Variants in ZNF662 observed in about 807,000 individuals in gnomAD.
ZNF662 encodes zinc finger protein 662.
Under a neutral mutation model 12.4 loss-of-function variants are expected in ZNF662, and 14 were observed. That is an observed-to-expected ratio of 1.13 (90% CI 0.75 to 1.77). The LOEUF is 1.77. Among genes scored for constraint, ZNF662 ranks in the 40% most tolerant of loss-of-function variants. ZNF662 has a pLI of 0.00. For missense variants in ZNF662, 550 were observed against 515.6 expected, an observed-to-expected ratio of 1.07 and a Z score of -0.65; for synonymous variants, 184 against 176.4, an observed-to-expected ratio of 1.04 and a Z score of -0.34.
At chr3:42,908,244 C>T (rs558154926) in intron 2 of ZNF662, 96 bp downstream of exon 2, 4 of 1,498,192 alleles carry the variant, frequency 2.7e-6, no homozygotes, top group Admixed American at 2.3e-5. Context: ...ACCCTCAGCT[C>T]AATGGCAGCT....
At position 42,908,854 on chromosome 3, in the gene ZNF662, G is replaced by A; in HGVS notation, c.96G>A (p.Trp32Ter). The A allele has an allele frequency of 6.2e-7, 1 of 1,614,090 alleles. No individual in the cohort carries two copies. The highest frequency in any genetic ancestry group is 1.1e-5 in the South Asian group (1 of 91,076). Residue 32 changes from tryptophan to a stop codon, truncating the protein, a stop_gained, in exon 3 of 5, where the codon TGG becomes TGA. Transcript: ENST00000440367. LOFTEE classifies it high-confidence loss of function. The stretch of plus-strand genomic sequence containing the variant: ...AGCTGGAGCGAGGGGAAACACCCTG[G>A]TGCTCGGTTCCTCGGGGAGCTCTGG... ...ISQLERGETP[W>*]CSVPRGALDG...
In ZNF662 at chr3:42,906,528, T is replaced by C. The variant is rs1402267712; in HGVS notation, c.-94+360T>C. Reference sequence around the variant, plus strand: ...ACGGGGTGGTGCGGCGGCTGGGAAATGGGGGTACAACCCAGAGTGAGGGGC... The same window carrying C: ...ACGGGGTGGTGCGGCGGCTGGGAAACGGGGGTACAACCCAGAGTGAGGGGC... On this transcript the variant is annotated intron_variant, in intron 1 of 4. Coordinates refer to ENST00000440367, the MANE Select transcript of ZNF662 (RefSeq NM_207404.4). This position sits in a 1 kb window ranked among gnomAD's most constrained non-coding sequence, Gnocchi z 4.4. The C allele has an allele frequency of 8.2e-7, 1 of 1,223,294 alleles. No homozygotes were observed. The highest frequency in any genetic ancestry group is 1.1e-6 in the Non-Finnish European group (1 of 926,666). 75.8% of individuals were successfully genotyped at this position (1,223,294 alleles called of 1,614,324 possible).
At position 42,915,573 on chromosome 3, in the gene ZNF662, G is replaced by A. The variant is rs1490174831; in HGVS notation, c.*219G>A. ...TAGTTGGGCAGCTACTCTGTATCAGGTGCTAACCACTTTACATACATTAAT... is the reference window on the plus strand; with the variant it reads ...TAGTTGGGCAGCTACTCTGTATCAGATGCTAACCACTTTACATACATTAAT... On this transcript the variant is annotated 3_prime_UTR_variant, in exon 5 of 5. Coordinates refer to ENST00000440367, the MANE Select transcript of ZNF662 (RefSeq NM_207404.4). 4 of 501,100 alleles carry A rather than the reference G, an allele frequency of 8.0e-6. No individual in the cohort carries two copies. The highest frequency in any genetic ancestry group is 1.4e-5 in the Non-Finnish European group (4 of 288,236). 31.0% of individuals were successfully genotyped at this position (501,100 alleles called of 1,614,324 possible).
rs1383061874 is a variant in ZNF662, at chr3:42,912,591, ATT to A, written c.152-608_152-607del. Among the ~76,000 whole-genome samples the A allele has an allele frequency of 7.9e-5, 8 of 100,644 alleles. No individual in the cohort carries two copies. The South Asian group carries it at 1.1e-3, about 13-fold the overall frequency. The allele number at this position is 100,644 out of a possible 152,430, so 66.0% of individuals were successfully genotyped here. ...AAATACATATTTTATATATAAATAT[ATT>A]TATATAAAATACAAATATTTTTCTA... is the stretch of plus-strand genomic sequence containing the variant. On this transcript the variant is annotated intron_variant, in intron 3 of 4. Transcript: ENST00000440367.
Position 42,907,604 on chromosome 3 carries a change from G to A in ZNF662, c.-93-418G>A, listed in dbSNP as rs541319109. 70 of 845,654 alleles carry A rather than the reference G, an allele frequency of 8.3e-5. No individual in the cohort carries two copies. In the African/African-American group the frequency reaches 1.1e-3, roughly 14 times the overall value. 52.4% of individuals were successfully genotyped at this position (845,654 alleles called of 1,614,324 possible). A position where few individuals can be genotyped will look rare whatever the true frequency, so the allele number is the denominator to read the frequency against. Reference sequence around the variant, plus strand: ...CTTCTAAAAAACGGATCTGATAGTAGGCTATGAGACATAACAAAGAATATA... The same window carrying A: ...CTTCTAAAAAACGGATCTGATAGTAAGCTATGAGACATAACAAAGAATATA... On this transcript the variant is annotated intron_variant, in intron 1 of 4. Transcript: ENST00000440367.
chr3:42,911,367 G>T (rs1244840940), intron 3 of ZNF662, among the ~76,000 whole-genome samples: 1 of 152,168 alleles, frequency 6.6e-6, no homozygotes, highest in Non-Finnish European at 1.5e-5. Flanking sequence ...CTACTTTACA[G>T]TGGGGAGTAG....
Position 42,919,311 on chromosome 3 carries a change from T to C in ZNF662, c.*3957T>C. ...TAAATCATGATAGGACTGAGTTGTT[T>C]GCAAAATAAACTTTAGTCTTGTATT... On this transcript the variant is annotated 3_prime_UTR_variant, in exon 5 of 5. Coordinates refer to ENST00000440367, the MANE Select transcript of ZNF662 (RefSeq NM_207404.4). 6.6e-6 allele frequency among the ~76,000 whole-genome samples: 1 copy of C among 152,250 alleles called. No homozygotes were observed. The highest frequency in any genetic ancestry group is 1.9e-4 in the East Asian group (1 of 5,200).
intron 3 of ZNF662, among the ~76,000 whole-genome samples, chr3:42,912,396 T>A (rs1466045931): frequency 2.0e-5 from 2 of 98,876 alleles, no homozygotes; most frequent in East Asian, 2.9e-4. Context: ...ATAATATATA[T>A]TTATATATTA....
At chr3:42,913,671 A>C (rs1485463551) in intron 4 of ZNF662, among the ~76,000 whole-genome samples, 1 of 152,200 alleles carries the variant, frequency 6.6e-6, no homozygotes, top group Non-Finnish European at 1.5e-5. Context: ...GGAAGGACTC[A>C]CAGTCTCATG....
At chr3:42,910,486 T>G (rs1205506055) in intron 3 of ZNF662, among the ~76,000 whole-genome samples, 2 of 152,216 alleles carry the variant, frequency 1.3e-5, no homozygotes, top group East Asian at 3.8e-4. Context: ...ATGGCTACCA[T>G]GTATCTTTGC....
In ZNF662 at chr3:42,917,386, C is replaced by G. The variant is rs1215078179; in HGVS notation, c.*2032C>G. 8 of 635,870 alleles carry G rather than the reference C, an allele frequency of 1.3e-5. No homozygotes were observed. The highest frequency in any genetic ancestry group is 2.2e-5 in the Non-Finnish European group (8 of 360,164). The allele number at this position is 635,870 out of a possible 1,614,324, so 39.4% of individuals were successfully genotyped here. On this transcript the variant is annotated 3_prime_UTR_variant, in exon 5 of 5. Coordinates refer to ENST00000440367, the MANE Select transcript of ZNF662 (RefSeq NM_207404.4). ...TACCAGAGGAGATATTATCTGTCCT[C>G]TGTGTGGCACATAGGAAAATGTGAG...
chr3:42,907,916 A>G lies in ZNF662; in HGVS notation c.-93-106A>G, dbSNP rs73832404. On this transcript the variant is annotated intron_variant, in intron 1 of 4. Transcript: ENST00000440367. ...GAGTTCCTGTAGACATTCAGAATCC[A>G]GAATCCCCACAGGCACCCCCACAGT... 2.1e-3 allele frequency: 3,037 copies of G among 1,463,462 alleles called. 44 individuals are homozygous for G. In the African/African-American group the frequency reaches 0.033, roughly 16 times the overall value. 90.7% of individuals were successfully genotyped at this position (1,463,462 alleles called of 1,614,324 possible).
At chr3:42,911,407 G>T (rs183526998) in intron 3 of ZNF662, among the ~76,000 whole-genome samples, 1 of 152,302 alleles carries the variant, frequency 6.6e-6, no homozygotes, top group South Asian at 2.1e-4. Flanking sequence ...CCACCACAGC[G>T]TCTTCTGCAT....
In ZNF662 at chr3:42,915,120, G is replaced by A; in HGVS notation, c.1047G>A (p.Gln349=). 3 of 1,614,174 alleles carry A rather than the reference G, an allele frequency of 1.9e-6. No homozygotes were observed. The highest frequency in any genetic ancestry group is 2.5e-6 in the Non-Finnish European group (3 of 1,180,034). The change falls in exon 5 of 5, where the codon CAG becomes CAA. Residue 349 remains glutamine (Q), a synonymous_variant. Transcript: ENST00000440367. The stretch of plus-strand genomic sequence containing the variant: ...TCATGTGGAACTCAGATCTTTCTCA[G>A]CACCAGAGGGTCCACACTGGGGACA... ...KGFMWNSDLS[Q]HQRVHTGDKP...
In ZNF662 at chr3:42,908,840, G is replaced by T; in HGVS notation, c.82G>T (p.Gly28Trp). 1 of 1,614,144 alleles carries T rather than the reference G, an allele frequency of 6.2e-7. No homozygotes were observed. Among genetic ancestry groups the T allele is most frequent in the Non-Finnish European group, 8.5e-7 (1 of 1,180,018 alleles). Residue 28 changes from glycine to tryptophan, a missense_variant, in exon 3 of 5, where the codon GGG becomes TGG. Transcript: ENST00000440367. ...GGCTCTGATTTCCCAGCTGGAGCGA[G>T]GGGAAACACCCTGGTGCTCGGTTCC... ...KPALISQLER[G>W]ETPWCSVPRG... is the part of the protein sequence containing the mutation.
intron 3 of ZNF662, 152 bp downstream of exon 3, chr3:42,909,061 T>C: frequency 1.9e-6 from 1 of 527,262 alleles, no homozygotes; most frequent in Non-Finnish European, 3.2e-6. Flanking sequence ...TCTTCTTTTT[T>C]TAAAAAAATT....
intron 4 of ZNF662, 71 bp from the exon 5 acceptor site, chr3:42,914,256 T>C: frequency 7.4e-7 from 1 of 1,360,130 alleles, no homozygotes; most frequent in Non-Finnish European, 1.0e-6. Context: ...GACGTATTAA[T>C]ACCACTTGGT....
In ZNF662 at chr3:42,917,284, C is replaced by T. The variant is rs2088904602; in HGVS notation, c.*1930C>T. On this transcript the variant is annotated 3_prime_UTR_variant, in exon 5 of 5. Transcript: ENST00000440367. ...CTTGTGTCAATCAGTTTATCCCATC[C>T]CCTTGGCCACAGAGCCATTGTGATA... The T allele has an allele frequency of 1.8e-6, 1 of 552,742 alleles. No individual in the cohort carries two copies. The highest frequency in any genetic ancestry group is 3.4e-5 in the Admixed American group (1 of 29,364). The allele number at this position is 552,742 out of a possible 1,614,324, so 34.2% of individuals were successfully genotyped here. A position where few individuals can be genotyped will look rare whatever the true frequency, so the allele number is the denominator to read the frequency against.
chr3:42,908,916 G>A lies in ZNF662; in HGVS notation c.151+7G>A. On this transcript the variant is annotated splice_region_variant and intron_variant, in intron 3 of 4. Coordinates refer to ENST00000440367, the MANE Select transcript of ZNF662 (RefSeq NM_207404.4). ...CCAAGGGGCATCTCCTCAGGTGAGT[G>A]AGGGCACACGTGCCGGTCATCTGAC... 6.3e-7 allele frequency: 1 copy of A among 1,597,284 alleles called. No individual in the cohort carries two copies. The highest frequency in any genetic ancestry group is 8.6e-7 in the Non-Finnish European group (1 of 1,166,050).
Sources: allele counts gnomAD v4.1 joint callset (sites outside exome capture counted in the v4.1 genomes callset), GRCh38; gene constraint gnomAD v4.1.1; non-coding constraint Gnocchi (gnomAD v3.1); transcripts MANE v1.5; gene names NCBI Gene and HGNC (gene_info 2026-07-23, HGNC 2026-07-21).